CSMD3: variants seen among roughly 807,000 people sequenced by gnomAD.
CSMD3 encodes the protein CUB and sushi domain-containing protein 3.
Under a neutral mutation model 435.2 loss-of-function variants are expected in CSMD3, and 177 were observed. That is an observed-to-expected ratio of 0.41 (90% CI 0.36 to 0.46). CSMD3 has a LOEUF of 0.46. Among genes scored for constraint, CSMD3 ranks in the 20% least tolerant of loss-of-function variants. The pLI is 0.34. For missense variants in CSMD3, 4,265 were observed against 4,504.6 expected, an observed-to-expected ratio of 0.95 and a Z score of 1.52; for synonymous variants, 1,656 against 1,520.5, an observed-to-expected ratio of 1.09 and a Z score of -2.07.
At chr8:113,161,330 T>G (rs1165548640) in intron 4 of CSMD3, among the ~76,000 whole-genome samples, 24 of 152,172 alleles carry the variant, frequency 1.6e-4, no homozygotes, top group Admixed American at 1.6e-3. Context: ...TAGGTTGTAA[T>G]ATCTATTCCA....
intron 31 of CSMD3, among the ~76,000 whole-genome samples, chr8:112,490,159 A>G (rs1672331236): frequency 6.6e-6 from 1 of 152,144 alleles, no homozygotes; most frequent in Non-Finnish European, 1.5e-5. Context: ...ACTTTACTAG[A>G]TTCTCTATAT....
intron 19 of CSMD3, among the ~76,000 whole-genome samples, chr8:112,647,019 C>T (rs1244641115): frequency 6.6e-6 from 1 of 152,094 alleles, no homozygotes; most frequent in Non-Finnish European, 1.5e-5. Context: ...CCCACAACAA[C>T]CTTTTGAGAA....
intron 10 of CSMD3, among the ~76,000 whole-genome samples, chr8:112,904,372 A>T (rs1216823844): frequency 2.0e-5 from 3 of 151,474 alleles, no homozygotes; most frequent in Non-Finnish European, 3.0e-5. Flanking sequence ...TTAAAACATC[A>T]TCTTGTACAT....
chr8:113,349,445 A>C (rs566298576), intron 1 of CSMD3, among the ~76,000 whole-genome samples: 3 of 152,242 alleles, frequency 2.0e-5, no homozygotes, highest in South Asian at 4.1e-4. Flanking sequence ...CATCTAAACT[A>C]TATGCCTCAA....
chr8:112,338,184 T>C (rs574970364), intron 42 of CSMD3, among the ~76,000 whole-genome samples: 1 of 152,318 alleles, frequency 6.6e-6, no homozygotes, highest in African/African-American at 2.4e-5. Context: ...CAGATCACAA[T>C]ATACTTCTGT....
At chr8:112,683,402 A>G (rs2075945170) in intron 15 of CSMD3, among the ~76,000 whole-genome samples, 3 of 152,066 alleles carry the variant, frequency 2.0e-5, no homozygotes, top group East Asian at 3.9e-4. Flanking sequence ...TCAACAACCT[A>G]TTGTATCTTG....
intron 6 of CSMD3, among the ~76,000 whole-genome samples, chr8:112,984,013 A>T (rs1424208749): frequency 6.6e-6 from 1 of 151,956 alleles, no homozygotes. Flanking sequence ...TAGTAGAAGG[A>T]GTTATTTTCT....
intron 64 of CSMD3, among the ~76,000 whole-genome samples, chr8:112,245,086 G>A (rs896946855): frequency 6.6e-6 from 1 of 151,586 alleles, no homozygotes; most frequent in African/African-American, 2.4e-5. Flanking sequence ...ATATTGCTCT[G>A]GTATTAATAC....
intron 31 of CSMD3, among the ~76,000 whole-genome samples, chr8:112,483,005 C>A (rs1819781577): frequency 1.3e-5 from 2 of 152,024 alleles, no homozygotes; most frequent in Non-Finnish European, 2.9e-5. Context: ...ATCTCTGGAG[C>A]CTAGCATAGT....
intron 10 of CSMD3, among the ~76,000 whole-genome samples, chr8:112,920,856 A>G (rs1305151579): frequency 6.6e-6 from 1 of 151,414 alleles, no homozygotes; most frequent in Non-Finnish European, 1.5e-5. Context: ...ATTTTCTTCT[A>G]TATTTAAAAT....
At chr8:113,419,864 A>G (rs2094601561) in intron 1 of CSMD3, among the ~76,000 whole-genome samples, 1 of 152,106 alleles carries the variant, frequency 6.6e-6, no homozygotes, top group South Asian at 2.1e-4. Flanking sequence ...AACTCATTCA[A>G]TCACACTAAT....
At chr8:112,553,573 A>G (rs1827865676) in intron 25 of CSMD3, among the ~76,000 whole-genome samples, 2 of 152,070 alleles carry the variant, frequency 1.3e-5, no homozygotes, top group Admixed American at 1.3e-4. Context: ...AGTTCTTGTT[A>G]TCAGGCACTT....
At position 113,125,306 on chromosome 8, in the gene CSMD3, T is replaced by G. The variant is rs76753073; in HGVS notation, c.710-26343A>C. On this transcript the variant is annotated intron_variant, in intron 4 of 70. Coordinates refer to ENST00000297405, the MANE Select transcript of CSMD3 (RefSeq NM_198123.2). ...TTTATGCCACATCTGTGTATCTATA[T>G]TTACTATCACATGTGTCACATATGT... 3.7e-3 allele frequency among the ~76,000 whole-genome samples: 565 copies of G among 152,142 alleles called. 5 individuals carry two copies. The highest frequency in any genetic ancestry group is 0.013 in the African/African-American group (530 of 41,562).
intron 1 of CSMD3, among the ~76,000 whole-genome samples, chr8:113,397,775 C>T (rs1000661310): frequency 2.0e-5 from 3 of 151,512 alleles, no homozygotes; most frequent in Admixed American, 1.3e-4. Context: ...CTGAGATCAC[C>T]CTACTGCACT....
intron 26 of CSMD3, 97 bp from the exon 27 acceptor site, chr8:112,550,970 T>TC (rs1420501073): frequency 6.2e-6 from 5 of 810,050 alleles, no homozygotes; most frequent in Non-Finnish European, 1.1e-5. Flanking sequence ...ACTAGATAGT[T>TC]CTTTTTTGCT....
At chr8:113,118,880 T>C (rs1322925766) in intron 4 of CSMD3, among the ~76,000 whole-genome samples, 2 of 152,278 alleles carry the variant, frequency 1.3e-5, no homozygotes, top group East Asian at 3.9e-4. Context: ...CTCAGTCGCA[T>C]AGATTTCATT....
At chr8:112,554,189 C>CAG (rs1260760968) in intron 25 of CSMD3, among the ~76,000 whole-genome samples, 12 of 151,140 alleles carry the variant, frequency 7.9e-5, no homozygotes, top group Admixed American at 2.0e-4. Context: ...ATAAGGAAGA[C>CAG]AGAGAGAGAG....
In CSMD3 at chr8:112,306,029, A is replaced by G. The variant is rs371695907; in HGVS notation, c.8049T>C (p.His2683=). 5.0e-6 allele frequency: 8 copies of G among 1,613,878 alleles called. No individual in the cohort carries two copies. In the African/African-American group the frequency reaches 5.3e-5, roughly 11 times the overall value. Residue 2683 remains histidine, a synonymous_variant, in exon 51 of 71, where the codon CAT becomes CAC. Coordinates refer to ENST00000297405, the MANE Select transcript of CSMD3 (RefSeq NM_198123.2). ...TACCAACACAGCGAGGGGTCTTGTT[A>G]TGATTGCTCCATGTTCCATCTGATT... ...VCQSDGTWSN[H]NKTPRCVVVT...
chr8:113,355,202 C>A (rs1025653275), intron 1 of CSMD3, among the ~76,000 whole-genome samples: 3 of 152,092 alleles, frequency 2.0e-5, no homozygotes, highest in Middle Eastern at 3.4e-3. Context: ...AAAATTCTAT[C>A]TATATTCCTA....
Sources: allele counts gnomAD v4.1 joint callset (sites outside exome capture counted in the v4.1 genomes callset), GRCh38; gene constraint gnomAD v4.1.1; transcripts MANE v1.5; gene names NCBI Gene and HGNC (gene_info 2026-07-23, HGNC 2026-07-21).